Variants in MCPH1 observed in about 807,000 individuals in gnomAD.
MCPH1 encodes microcephalin.
In MCPH1, 104 loss-of-function variants were observed where a neutral mutation model predicts 84.5. That is an observed-to-expected ratio of 1.23 (90% CI 1.05 to 1.45). The LOEUF is 1.45. Ranked by LOEUF, MCPH1 falls within the 40% of genes most tolerant of loss-of-function variation. MCPH1 has a pLI of 0.00. For synonymous variants in MCPH1, 514 were observed against 366.8 expected, an observed-to-expected ratio of 1.40 and a Z score of -4.58; for missense variants, 1,498 against 1,005.7, an observed-to-expected ratio of 1.49 and a Z score of -6.62.
chr8:6,465,388 C>T (rs1165837264), intron 9 of MCPH1, among the ~76,000 whole-genome samples: 2 of 152,234 alleles, frequency 1.3e-5, no homozygotes, highest in African/African-American at 4.8e-5. Context: ...CACTGCGCTG[C>T]TCCCACCACC....
chr8:6,550,403 C>T (rs769450701), intron 12 of MCPH1, among the ~76,000 whole-genome samples: 5 of 152,238 alleles, frequency 3.3e-5, no homozygotes, highest in Non-Finnish European at 7.3e-5. Flanking sequence ...TGCGGTGACC[C>T]CGTCTCTACA....
At chr8:6,418,802 G>T (rs143115318) in intron 3 of MCPH1, among the ~76,000 whole-genome samples, 2 of 151,922 alleles carry the variant, frequency 1.3e-5, no homozygotes, top group East Asian at 3.9e-4. Context: ...GGATGATCCT[G>T]ATCTTCTGAC....
chr8:6,510,126 G>A (rs578229304), intron 12 of MCPH1, among the ~76,000 whole-genome samples: 7 of 151,900 alleles, frequency 4.6e-5, no homozygotes, highest in African/African-American at 1.2e-4. Context: ...TATAAGGGAA[G>A]GGAGAAGACA....
chr8:6,599,216 C>G (rs1299404177), intron 12 of MCPH1, among the ~76,000 whole-genome samples: 1 of 152,178 alleles, frequency 6.6e-6, no homozygotes, highest in African/African-American at 2.4e-5. Context: ...AAAGGAATGC[C>G]TTCCTCCGCG....
chr8:6,606,468 A>G (rs1348483387), intron 12 of MCPH1, among the ~76,000 whole-genome samples: 1 of 152,192 alleles, frequency 6.6e-6, no homozygotes, highest in East Asian at 1.9e-4. Flanking sequence ...TTCATGTTCT[A>G]TTAAAGCAAG....
intron 12 of MCPH1, among the ~76,000 whole-genome samples, chr8:6,598,707 G>T (rs746745172): frequency 1.3e-5 from 2 of 152,360 alleles, no homozygotes; most frequent in East Asian, 3.9e-4. Context: ...GAAGGCCATG[G>T]CCCTGTGTGG....
Position 6,444,810 on chromosome 8 carries a change from C to T in MCPH1, c.1088C>T (p.Ser363Phe). 1 of 1,614,088 alleles carries T rather than the reference C, an allele frequency of 6.2e-7. No individual in the cohort carries two copies. The highest frequency in any genetic ancestry group is 8.5e-7 in the Non-Finnish European group (1 of 1,180,028). ...SVKRKRVSHGSHSPPKEKCKR... is the reference protein window; with the variant it reads ...SVKRKRVSHGFHSPPKEKCKR... ...AAGAGAAAAAGAGTATCACATGGCT[C>T]CCATTCACCTCCGAAGGAAAAATGC... The change falls in exon 8 of 14, where the codon TCC becomes TTC. Residue 363 changes from serine (S) to phenylalanine (F), a missense_variant. Coordinates refer to ENST00000344683, the MANE Select transcript of MCPH1 (RefSeq NM_024596.5).
rs1491108967 is a variant in MCPH1 at position 6,505,311 on chromosome 8, CAT to C, written c.2214+5389_2214+5390del. On this transcript the variant is annotated intron_variant, in intron 12 of 13. Transcript: ENST00000344683. ...GTTATATACATATATATGTATATAA[CAT>C]ATATATGTTATATACATATAGAAAG... 9.2e-4 allele frequency among the ~76,000 whole-genome samples: 36 copies of C among 39,218 alleles called. 2 individuals are homozygous for C. The highest frequency in any genetic ancestry group is 4.9e-3 in the African/African-American group (33 of 6,782). The allele number at this position is 39,218 out of a possible 152,430, so 25.7% of individuals were successfully genotyped here.
Position 6,646,027 on chromosome 8 carries a change from T to C in MCPH1, c.*2978T>C, listed in dbSNP as rs1463968776. 2 of 152,248 alleles carry C rather than the reference T, an allele frequency of 1.3e-5. No homozygotes were observed. Among genetic ancestry groups the C allele is most frequent in the Non-Finnish European group, 2.9e-5 (2 of 68,042 alleles). 9.4% of individuals were successfully genotyped at this position (152,248 alleles called of 1,614,324 possible). A position where few individuals can be genotyped will look rare whatever the true frequency, so the allele number is the denominator to read the frequency against. On this transcript the variant is annotated 3_prime_UTR_variant, in exon 14 of 14. Transcript: ENST00000344683. ...TTTGAAAAGCTGATGCTAAATCTTTTATGAAAATGCAAAGAACCTCTAGTA... is the reference window on the plus strand; with the variant it reads ...TTTGAAAAGCTGATGCTAAATCTTTCATGAAAATGCAAAGAACCTCTAGTA...
intron 12 of MCPH1, among the ~76,000 whole-genome samples, chr8:6,523,510 A>G (rs753431311): frequency 9.8e-5 from 15 of 152,356 alleles, no homozygotes; most frequent in Non-Finnish European, 1.5e-4. Context: ...AGTAGAGACT[A>G]TGTATTTGAG....
intron 13 of MCPH1, 154 bp from the exon 14 acceptor site, chr8:6,642,840 G>A (rs1225893024): frequency 4.2e-6 from 3 of 714,964 alleles, no homozygotes; most frequent in Non-Finnish European, 7.5e-6. Context: ...ATTTAAAAAG[G>A]TATGTGTGCT....
intron 11 of MCPH1, among the ~76,000 whole-genome samples, chr8:6,499,154 G>GTGTA (rs1474306117): frequency 2.0e-5 from 3 of 152,004 alleles, no homozygotes; most frequent in African/African-American, 7.2e-5. Context: ...TAAACTTCTG[G>GTGTA]TGTATGGAGA....
chr8:6,600,327 AGCTGGCCGTGGGT>A (rs760009269), intron 12 of MCPH1, among the ~76,000 whole-genome samples: 2 of 152,242 alleles, frequency 1.3e-5, no homozygotes, highest in African/African-American at 2.4e-5. Context: ...GACCTTCTCT[AGCTGGCCGTGGGT>A]GCTGGCCTGG....
At chr8:6,457,923 T>G (rs1261494740) in intron 9 of MCPH1, among the ~76,000 whole-genome samples, 1 of 152,100 alleles carries the variant, frequency 6.6e-6, no homozygotes, top group Non-Finnish European at 1.5e-5. Context: ...CACCTGGGGA[T>G]CTGTAAGGTT....
intron 3 of MCPH1, among the ~76,000 whole-genome samples, chr8:6,430,563 T>C (rs1440998267): frequency 2.0e-5 from 3 of 152,226 alleles, no homozygotes; most frequent in African/African-American, 7.2e-5. Flanking sequence ...CCTTTATTCC[T>C]AATATATTTT....
intron 3 of MCPH1, among the ~76,000 whole-genome samples, chr8:6,422,192 T>G (rs988302686): frequency 6.6e-6 from 1 of 152,262 alleles, no homozygotes; most frequent in African/African-American, 2.4e-5. Context: ...GTCTGTCTTA[T>G]TTATGGTTGT....
In MCPH1 at chr8:6,642,992, A is replaced by C; in HGVS notation, c.2453-2A>C. The stretch of plus-strand genomic sequence containing the variant: ...CTAAACTGCTTTTCGCTCTCTCTCT[A>C]GATTCCATCACCCAGCACAAGGTCT... On this transcript the variant is annotated splice_acceptor_variant, in intron 13 of 13. Transcript: ENST00000344683. LOFTEE classifies it high-confidence loss of function. 2 of 1,613,980 alleles carry C rather than the reference A, an allele frequency of 1.2e-6. No homozygotes were observed. The highest frequency in any genetic ancestry group is 1.7e-6 in the Non-Finnish European group (2 of 1,179,890).
chr8:6,440,829 G>A (rs143656771), intron 6 of MCPH1, among the ~76,000 whole-genome samples: 137 of 152,286 alleles, frequency 9.0e-4, no homozygotes, highest in Middle Eastern at 3.4e-3. Context: ...AGTTTCGGCT[G>A]CATATAACAA....
chr8:6,509,352 TAAACAG>T (rs1365603271), intron 12 of MCPH1, among the ~76,000 whole-genome samples: 1 of 152,206 alleles, frequency 6.6e-6, no homozygotes, highest in African/African-American at 2.4e-5. Context: ...TGCTTTCAGA[TAAACAG>T]AAGAGAAAGA....
Sources: gnomAD v4.1 joint callset for allele counts (sites outside exome capture counted in the v4.1 genomes callset) on GRCh38, gnomAD v4.1.1 for gene constraint, MANE v1.5 for transcripts, NCBI Gene and HGNC (gene_info 2026-07-23, HGNC 2026-07-21) for gene names.